RMND5A: variants seen among roughly 807,000 people sequenced by gnomAD.
RMND5A encodes E3 ubiquitin-protein transferase RMND5A.
Under a neutral mutation model 49.7 loss-of-function variants are expected in RMND5A, and 17 were observed. The observed-to-expected ratio is 0.34, with a 90% confidence interval of 0.23 to 0.51. The LOEUF is 0.51. Ranked by LOEUF, RMND5A falls within the 20% of genes least tolerant of loss-of-function variation. The probability of loss-of-function intolerance (pLI) is 0.96; values close to 1 mark genes in which losing one functional copy is unlikely to be tolerated. For missense variants in RMND5A, 255 were observed against 471.3 expected, an observed-to-expected ratio of 0.54 and a Z score of 4.25; for synonymous variants, 156 against 167.7, an observed-to-expected ratio of 0.93 and a Z score of 0.54.
intron 4 of RMND5A, among the ~76,000 whole-genome samples, chr2:86,764,542 A>G (rs1171194158): frequency 6.6e-6 from 1 of 152,256 alleles, no homozygotes; most frequent in Non-Finnish European, 1.5e-5. Context: ...GATCAGATTG[A>G]AAGCACCTTG....
At chr2:86,749,688 C>A (rs1441492082) in intron 2 of RMND5A, among the ~76,000 whole-genome samples, 1 of 152,140 alleles carries the variant, frequency 6.6e-6, no homozygotes, top group Non-Finnish European at 1.5e-5. Flanking sequence ...TCATGCCCAC[C>A]CCGTTATTTC....
intron 6 of RMND5A, among the ~76,000 whole-genome samples, chr2:86,769,322 C>T (rs1209232804): frequency 2.0e-5 from 3 of 152,186 alleles, no homozygotes; most frequent in Non-Finnish European, 2.9e-5. Flanking sequence ...TGTAAATCAG[C>T]ACCATCTGCA....
intron 2 of RMND5A, 53 bp from the exon 3 acceptor site, chr2:86,751,843 A>C: frequency 1.3e-6 from 2 of 1,559,324 alleles, no homozygotes; most frequent in South Asian, 1.2e-5. Context: ...TTTTCCTGTT[A>C]AGTGGGGTGA....
chr2:86,732,524 A>G (rs2104385609), intron 1 of RMND5A, among the ~76,000 whole-genome samples: 1 of 145,030 alleles, frequency 6.9e-6, no homozygotes, highest in African/African-American at 2.8e-5. Context: ...AAGTAAAACA[A>G]ATGTATGTAC....
intron 4 of RMND5A, among the ~76,000 whole-genome samples, chr2:86,759,566 A>T (rs7585180): frequency 0.055 from 8,234 of 149,066 alleles, 685 homozygotes; most frequent in African/African-American, 0.19. Context: ...GAATTTTTTT[A>T]AAAAAATTAT....
intron 4 of RMND5A, 143 bp from the exon 5 acceptor site, chr2:86,764,884 C>T: frequency 1.5e-6 from 1 of 675,720 alleles, no homozygotes; most frequent in Non-Finnish European, 2.4e-6. Flanking sequence ...TGACAAAGGT[C>T]TGGGCCCTAG....
At chr2:86,754,174 C>G (rs1681689742) in intron 4 of RMND5A, among the ~76,000 whole-genome samples, 1 of 152,232 alleles carries the variant, frequency 6.6e-6, no homozygotes, top group Non-Finnish European at 1.5e-5. Context: ...CATAAGGTCT[C>G]TGTCGCATAT....
rs1476008163 is a variant in RMND5A, at chr2:86,773,983, T to G, written c.*572T>G. ...TTTCCTCTGCTCCAGCTCCAAGAAG[T>G]CAGCACACCTGCATTTTAGCTCTGC... On this transcript the variant is annotated 3_prime_UTR_variant, in exon 9 of 9. Transcript: ENST00000283632. 1 of 152,724 alleles carries G rather than the reference T, an allele frequency of 6.5e-6. No homozygotes were observed. The highest frequency in any genetic ancestry group is 2.4e-5 in the African/African-American group (1 of 41,470). 9.5% of individuals were successfully genotyped at this position (152,724 alleles called of 1,614,324 possible). A position where few individuals can be genotyped will look rare whatever the true frequency, so the allele number is the denominator to read the frequency against.
At position 86,762,691 on chromosome 2, in the gene RMND5A, CATATATATCATATATATCATATATA is replaced by C. The variant is rs1558725564; in HGVS notation, c.522-2335_522-2311del. On this transcript the variant is annotated intron_variant, in intron 4 of 8. Transcript: ENST00000283632. ...ATATATATATATATCATATATATAT[CATATATATCATATATATCATATATA>C]TCATATATATCATATATATCATATA... Among the ~76,000 whole-genome samples, 4 of 11,780 alleles carry C rather than the reference CATATATATCATATATATCATATATA, an allele frequency of 3.4e-4. No individual in the cohort carries two copies. In the Non-Finnish European group the frequency reaches 3.7e-3, roughly 11 times the overall value. 7.7% of individuals were successfully genotyped at this position (11,780 alleles called of 152,430 possible). A position where few individuals can be genotyped will look rare whatever the true frequency, so the allele number is the denominator to read the frequency against.
At chr2:86,734,318 A>G (rs1681378759) in intron 1 of RMND5A, among the ~76,000 whole-genome samples, 1 of 148,528 alleles carries the variant, frequency 6.7e-6, no homozygotes, top group Admixed American at 6.6e-5. Flanking sequence ...AAAGGAGGTA[A>G]CAAATAGCAC....
chr2:86,765,824 G>A (rs1472485469), intron 5 of RMND5A, 35 bp from the exon 6 acceptor site: 3 of 1,601,422 alleles, frequency 1.9e-6, no homozygotes, highest in Non-Finnish European at 2.6e-6. Flanking sequence ...ATTACTGCAA[G>A]CAAACTAATG....
chr2:86,756,543 A>G (rs1198887779), intron 4 of RMND5A, among the ~76,000 whole-genome samples: 1 of 152,244 alleles, frequency 6.6e-6, no homozygotes, highest in African/African-American at 2.4e-5. Context: ...GTTATACAAA[A>G]CATAAGATTT....
At chr2:86,768,044 G>A (rs965493237) in intron 6 of RMND5A, among the ~76,000 whole-genome samples, 15 of 152,114 alleles carry the variant, frequency 9.9e-5, no homozygotes, top group Non-Finnish European at 1.6e-4. Context: ...TTTTGTTTTG[G>A]AAACTGTAGT....
rs371060982 is a variant in RMND5A at position 86,751,639 on chromosome 2, C to T, written c.286-257C>T. Among the ~76,000 whole-genome samples the T allele has an allele frequency of 4.6e-4, 70 of 152,172 alleles. 1 individual carries two copies. The highest frequency in any genetic ancestry group is 1.3e-3 in the East Asian group (7 of 5,194). On this transcript the variant is annotated intron_variant, in intron 2 of 8. Coordinates refer to ENST00000283632, the MANE Select transcript of RMND5A (RefSeq NM_022780.4). Reference sequence around the variant, plus strand: ...TATAATGCCTAGAAATCAGTTCATTCGCTTGATTTTATTTTATTCATGGAC... The same window carrying T: ...TATAATGCCTAGAAATCAGTTCATTTGCTTGATTTTATTTTATTCATGGAC...
chr2:86,772,065 A>AT (rs1457600938), intron 8 of RMND5A, among the ~76,000 whole-genome samples: 1 of 152,100 alleles, frequency 6.6e-6, no homozygotes, highest in African/African-American at 2.4e-5. Context: ...AGCCCTCATT[A>AT]TTTTTTTGTT....
Position 86,771,679 on chromosome 2 carries a change from G to T in RMND5A, c.1079G>T (p.Arg360Ile). 1 of 1,611,892 alleles carries T rather than the reference G, an allele frequency of 6.2e-7. No homozygotes were observed. The highest frequency in any genetic ancestry group is 8.5e-7 in the Non-Finnish European group (1 of 1,179,044). Residue 360 changes from arginine (R) to isoleucine (I), a missense_variant, in exon 8 of 9, where the codon AGA becomes ATA. By Grantham distance (97) the Arg-to-Ile change is moderately conservative (BLOSUM62 -3). Transcript: ENST00000283632. ...TTGGTCTGTGGTCATATTATATCAA[G>T]AGATGCCCTGAATAAAATGTTTAAT... ...MKLVCGHIIS[R>I]DALNKMFNGS...
chr2:86,751,875 C>A (rs759731685), intron 2 of RMND5A, 21 bp from the exon 3 acceptor site: 2 of 1,605,026 alleles, frequency 1.2e-6, no homozygotes, highest in Non-Finnish European at 1.7e-6. Context: ...TTATGATTCC[C>A]TTTCTCTTTC....
At chr2:86,754,431 C>G (rs1573438545) in intron 4 of RMND5A, among the ~76,000 whole-genome samples, 1 of 152,338 alleles carries the variant, frequency 6.6e-6, no homozygotes, top group Admixed American at 6.5e-5. Flanking sequence ...TATTTTAAAA[C>G]CAGAAAAATT....
At position 86,729,658 on chromosome 2, in the gene RMND5A, C is replaced by T; in HGVS notation, c.142+8849C>T. On this transcript the variant is annotated intron_variant, in intron 1 of 8. Transcript: ENST00000283632. ...AGTAGCAGAGATTGAATATGGATAG[C>T]AGAAAGAGCAGATGGAGTGCCTGGA... Among the ~76,000 whole-genome samples, 2 of 95,272 alleles carry T rather than the reference C, an allele frequency of 2.1e-5. 1 individual carries two copies. Among genetic ancestry groups the T allele is most frequent in the Non-Finnish European group, 5.1e-5 (2 of 38,930 alleles). 62.5% of individuals were successfully genotyped at this position (95,272 alleles called of 152,430 possible).
Sources: allele counts gnomAD v4.1 joint callset (sites outside exome capture counted in the v4.1 genomes callset), GRCh38; gene constraint gnomAD v4.1.1; transcripts MANE v1.5; gene names NCBI Gene and HGNC (gene_info 2026-07-23, HGNC 2026-07-21).